Variants in ITPR3 observed in about 807,000 individuals in gnomAD.
The protein encoded by ITPR3 is inositol 1,4,5-trisphosphate receptor type 3, also known as inositol 1,4,5-trisphosphate-gated calcium channel ITPR3.
A neutral mutation model predicts 293.2 loss-of-function variants in ITPR3; 173 were observed. The ratio of observed to expected loss-of-function variants is 0.59; its 90% CI spans 0.52 to 0.67. The LOEUF (loss-of-function observed/expected upper bound fraction) is 0.67, where lower values mean the gene tolerates loss of function less well. Ranked by LOEUF, ITPR3 falls within the 30% of genes least tolerant of loss-of-function variation. ITPR3 has a pLI of 0.00. For missense variants in ITPR3, 2,796 were observed against 3,592.1 expected (o/e 0.78, Z 5.66); for synonymous variants, 1,295 against 1,444.4 (o/e 0.90, Z 2.35).
rs778388860 is a variant in ITPR3 at position 33,686,191 on chromosome 6, C to T, written c.5806C>T (p.Leu1936Phe). 8.7e-6 allele frequency: 14 copies of T among 1,614,040 alleles called. No individual in the cohort carries two copies. The highest frequency in any genetic ancestry group is 6.7e-5 in the African/African-American group (5 of 74,944). The change falls in exon 42 of 58, where the codon CTC (leucine) becomes TTC (phenylalanine). Residue 1936 changes from leucine (L) to phenylalanine (F), a missense_variant. By Grantham distance (22) the Leu-to-Phe change is conservative. Transcript: ENST00000605930. ...CTACATCAATGAGGACAACGTGGGC[C>T]TCGTCATCCAGACCTTGGAGACCCT... ...GLYINEDNVG[L>F]VIQTLETLTE... is the part of the protein sequence containing the mutation.
In ITPR3 at chr6:33,689,304, T is replaced by C; in HGVS notation, c.6761T>C (p.Leu2254Pro). 6.2e-7 allele frequency: 1 copy of C among 1,612,766 alleles called. No individual in the cohort carries two copies. Among genetic ancestry groups the C allele is most frequent in the South Asian group, 1.1e-5 (1 of 91,084 alleles). Residue 2254 changes from leucine (L) to proline (P), a missense_variant, in exon 50 of 58, where the codon CTG (leucine) becomes CCG (proline). By Grantham distance (98) the Leu-to-Pro change is moderately conservative (BLOSUM62 -3). Coordinates refer to ENST00000605930, the MANE Select transcript of ITPR3 (RefSeq NM_002224.4). ...CTCATCTGCTTCTCCATCGCGGCCCTGTTCACCAAGCGCTACAGCATCCGC... is the reference window on the plus strand; with the variant it reads ...CTCATCTGCTTCTCCATCGCGGCCCCGTTCACCAAGCGCTACAGCATCCGC... ...WILICFSIAA[L>P]FTKRYSIRPL...
chr6:33,662,011 A>AAAAAAAAAAAAAAC (rs1764484296), intron 7 of ITPR3, among the ~76,000 whole-genome samples: 1 of 150,510 alleles, frequency 6.6e-6, no homozygotes, highest in Non-Finnish European at 1.5e-5. Flanking sequence ...AAAAAAAAAA[A>AAAAAAAAAAAAAAC]AAAAAAGACA....
rs1765501817 is a variant in ITPR3 at position 33,694,999 on chromosome 6, G to A, written c.7861G>A (p.Glu2621Lys). The change falls in exon 57 of 58, where the codon GAG (glutamate) becomes AAG (lysine). Residue 2621 changes from glutamate (E) to lysine (K), a missense_variant. Glu to Lys is a moderately conservative substitution (Grantham distance 56). Transcript: ENST00000605930. ...VSNEGEGEQN[E>K]IRILQDKLNS... Reference sequence around the variant, plus strand: ...CAATGAGGGCGAGGGGGAGCAGAATGAGATTCGGATTCTCCAGGACAAGCT... The same window carrying A: ...CAATGAGGGCGAGGGGGAGCAGAATAAGATTCGGATTCTCCAGGACAAGCT... 6.2e-7 allele frequency: 1 copy of A among 1,614,052 alleles called. No individual in the cohort carries two copies. The highest frequency in any genetic ancestry group is 1.1e-5 in the South Asian group (1 of 91,084).
intron 2 of ITPR3, among the ~76,000 whole-genome samples, chr6:33,643,239 G>A (rs970890010): frequency 7.2e-5 from 11 of 152,152 alleles, no homozygotes; most frequent in Non-Finnish European, 1.0e-4. Flanking sequence ...CACCATCTTG[G>A]GGTGAGCCTG....
Position 33,689,240 on chromosome 6 carries a change from G to C in ITPR3, c.6697G>C (p.Val2233Leu). 2 of 1,609,120 alleles carry C rather than the reference G, an allele frequency of 1.2e-6. No homozygotes were observed. Among genetic ancestry groups the C allele is most frequent in the Non-Finnish European group, 1.7e-6 (2 of 1,179,956 alleles). The change falls in exon 50 of 58, where the codon GTG (valine) becomes CTG (leucine). Residue 2233 changes from valine to leucine, a missense_variant and splice_region_variant. This residue lies in a region of ITPR3 where 568 missense variants were observed against 796.1 expected (regional missense o/e 0.71). Transcript: ENST00000605930. ...CTCACCCTGCCCCTGGCCCCCAGGCGTGCTGGACTCCCCTCTCATCTCATT... is the reference window on the plus strand; with the variant it reads ...CTCACCCTGCCCCTGGCCCCCAGGCCTGCTGGACTCCCCTCTCATCTCATT... ...YPYMEGASTG[V>L]LDSPLISLLF... is the part of the protein sequence containing the mutation.
chr6:33,649,340 C>T (rs757497144), intron 2 of ITPR3, among the ~76,000 whole-genome samples: 9 of 152,362 alleles, frequency 5.9e-5, no homozygotes, highest in South Asian at 4.1e-4. Context: ...ATTCTCCTGT[C>T]TCAGTCTCCC....
Position 33,692,746 on chromosome 6 carries a change from C to T in ITPR3, c.7477C>T (p.Arg2493Ter), listed in dbSNP as rs1410562250. 1.2e-5 allele frequency: 19 copies of T among 1,613,932 alleles called. No homozygotes were observed. The highest frequency in any genetic ancestry group is 2.2e-5 in the East Asian group (1 of 44,884). Residue 2493 changes from arginine (R) to a stop codon, truncating the protein, a stop_gained, in exon 55 of 58, where the codon CGA becomes TGA. Transcript: ENST00000605930. LOFTEE classifies it high-confidence loss of function. This position sits in a 1 kb window ranked among gnomAD's most constrained non-coding sequence, Gnocchi z 4.2. ...CCTGCAGGAGTCTCTCTTCCCAGCC[C>T]GAGTGGTCTATGACCTCCTGTTCTT... ...PSKDESLFPA[R>*]VVYDLLFFFI...
intron 10 of ITPR3, 51 bp from the exon 11 acceptor site, chr6:33,663,687 T>C (rs746541080): frequency 6.2e-7 from 1 of 1,610,574 alleles, no homozygotes; most frequent in Middle Eastern, 1.7e-4. Flanking sequence ...AGGTGCTTCA[T>C]GGGCTTGAGA....
chr6:33,690,897 A>C lies in ITPR3; in HGVS notation c.7033-20A>C. ...CCCAGCCCCTCAAGGTGCCATCCCTATCTCAACCCCATCCTGCAGCTCTTT... is the reference window on the plus strand; with the variant it reads ...CCCAGCCCCTCAAGGTGCCATCCCTCTCTCAACCCCATCCTGCAGCTCTTT... On this transcript the variant is annotated intron_variant, in intron 51 of 57. Transcript: ENST00000605930. 1 of 1,611,178 alleles carries C rather than the reference A, an allele frequency of 6.2e-7. No individual in the cohort carries two copies. The highest frequency in any genetic ancestry group is 8.5e-7 in the Non-Finnish European group (1 of 1,177,934).
At chr6:33,661,511 G>C (rs1764465877) in intron 7 of ITPR3, among the ~76,000 whole-genome samples, 1 of 152,212 alleles carries the variant, frequency 6.6e-6, no homozygotes, top group Non-Finnish European at 1.5e-5. Context: ...GTTGATGTGA[G>C]GATCAGGTGA....
intron 17 of ITPR3, 32 bp downstream of exon 17, chr6:33,668,666 C>G: frequency 1.9e-6 from 3 of 1,613,658 alleles, no homozygotes; most frequent in Non-Finnish European, 2.5e-6. Context: ...CGCACTTGGG[C>G]TCCACGCTGC....
chr6:33,667,058 T>A lies in ITPR3; in HGVS notation c.1552-71T>A. The A allele has an allele frequency of 6.5e-7, 1 of 1,538,118 alleles. No homozygotes were observed. Among genetic ancestry groups the A allele is most frequent in the Non-Finnish European group, 8.8e-7 (1 of 1,132,170 alleles). On this transcript the variant is annotated intron_variant, in intron 14 of 57. Transcript: ENST00000605930. This position sits in a 1 kb window ranked among gnomAD's most constrained non-coding sequence, Gnocchi z 4.4. ...GGCAGAGTCAGTTGGGACTCAGGGA[T>A]GACTCCTGGGATGACTTAGGGGTAC...
intron 3 of ITPR3, among the ~76,000 whole-genome samples, chr6:33,656,319 G>C (rs1160155401): frequency 1.3e-5 from 2 of 152,048 alleles, no homozygotes; most frequent in Non-Finnish European, 2.9e-5. Flanking sequence ...CCTGTGCCAG[G>C]GTGCATGGCT....
At chr6:33,653,278 C>CA (rs370927791) in intron 2 of ITPR3, among the ~76,000 whole-genome samples, 8,868 of 132,140 alleles carry the variant, frequency 0.067, 316 homozygotes, top group African/African-American at 0.077. Flanking sequence ...TTTTTATTAA[C>CA]TTTTTTTTTT....
Position 33,690,062 on chromosome 6 carries a change from GCTTCGTGGGC to G in ITPR3, c.6897_6906del (p.Ser2299ArgfsTer27). 1 of 1,614,212 alleles carries G rather than the reference GCTTCGTGGGC, an allele frequency of 6.2e-7. No homozygotes were observed. The highest frequency in any genetic ancestry group is 8.5e-7 in the Non-Finnish European group (1 of 1,180,042). ...ACCAACAAGATCGTGTTTGTGGTGA[GCTTCGTGGGC>G]AACCGTGGCACCTTCATCCGGGGCT... On this transcript the variant is annotated frameshift_variant, in exon 51 of 58. Transcript: ENST00000605930. LOFTEE classifies it high-confidence loss of function.
intron 41 of ITPR3, 95 bp from the exon 42 acceptor site, chr6:33,685,958 C>T: frequency 6.6e-7 from 1 of 1,515,694 alleles, no homozygotes; most frequent in East Asian, 2.3e-5. Flanking sequence ...GCTGGTGGTT[C>T]CCCTACCCCT....
chr6:33,646,072 G>A (rs1212124628), intron 2 of ITPR3, among the ~76,000 whole-genome samples: 1 of 152,038 alleles, frequency 6.6e-6, no homozygotes, highest in African/African-American at 2.4e-5. Flanking sequence ...TCCTGACCCC[G>A]TGATCCACCC....
intron 8 of ITPR3, 25 bp downstream of exon 8, chr6:33,662,699 C>G (rs200121664): frequency 1.6e-5 from 25 of 1,601,856 alleles, no homozygotes; most frequent in African/African-American, 2.7e-5. Context: ...GCTTCTGGCA[C>G]CCCGGACTCA....
intron 21 of ITPR3, 29 bp downstream of exon 21, chr6:33,671,335 C>A: frequency 6.5e-7 from 1 of 1,549,430 alleles, no homozygotes. Flanking sequence ...TCGGGCCACC[C>A]TGGTGGTCCT....
Sources: gnomAD v4.1 joint callset for allele counts (sites outside exome capture counted in the v4.1 genomes callset) on GRCh38, gnomAD v4.1.1 for gene constraint, gnomAD v4.1.1 regional missense constraint, Gnocchi (gnomAD v3.1) non-coding constraint, MANE v1.5 for transcripts, NCBI Gene and HGNC (gene_info 2026-07-23, HGNC 2026-07-21) for gene names.